SORBS2: variants seen among roughly 807,000 people sequenced by gnomAD.
SORBS2 encodes sorbin and SH3 domain-containing protein 2.
A neutral mutation model predicts 97.7 loss-of-function variants in SORBS2; 46 were observed. The observed-to-expected ratio is 0.47, with a 90% CI of 0.37 to 0.60. The LOEUF (loss-of-function observed/expected upper bound fraction) is 0.60. SORBS2 is among the 20% of genes least tolerant of loss of function. SORBS2 has a pLI of 0.00. For missense variants in SORBS2, 1,316 were observed against 1,282.3 expected (o/e 1.03, Z -0.40); for synonymous variants, 476 against 473.4 (o/e 1.01, Z -0.07).
intron 2 of SORBS2, among the ~76,000 whole-genome samples, chr4:185,714,032 C>G (rs970625591): frequency 6.6e-6 from 1 of 152,206 alleles, no homozygotes; most frequent in Non-Finnish European, 1.5e-5. Context: ...AGCTACCCAC[C>G]TATCCTTAAG....
intron 4 of SORBS2, chr4:185,635,392 T>C: frequency 6.2e-7 from 1 of 1,613,822 alleles, no homozygotes; most frequent in Non-Finnish European, 8.5e-7. Context: ...TTGAACATAG[T>C]CCAGAGGCTT....
intron 1 of SORBS2, among the ~76,000 whole-genome samples, chr4:185,949,254 T>C (rs979010815): frequency 6.6e-6 from 1 of 152,202 alleles, no homozygotes; most frequent in African/African-American, 2.4e-5. Context: ...GAGGCTGCTA[T>C]GGTAGGCAGG....
intron 1 of SORBS2, among the ~76,000 whole-genome samples, chr4:185,926,733 C>A (rs570700592): frequency 1.3e-5 from 2 of 151,958 alleles, no homozygotes; most frequent in African/African-American, 2.4e-5. Flanking sequence ...AGGAAACATG[C>A]GAGGTTAATT....
In SORBS2 at chr4:185,616,515, T is replaced by A. The variant is rs568976352; in HGVS notation, c.2352-1356A>T. On this transcript the variant is annotated intron_variant, in intron 9 of 14. Transcript: ENST00000418609. ...ACAACAGTTTCATTTGTACTAGGTA[T>A]GTTTTGTTTCTGGAAATGAGACTAG... is the stretch of plus-strand genomic sequence containing the variant. 3.3e-5 allele frequency among the ~76,000 whole-genome samples: 5 copies of A among 152,332 alleles called. No individual in the cohort carries two copies. The South Asian group carries it at 1.0e-3, about 32-fold the overall frequency.
intron 2 of SORBS2, chr4:185,774,616 C>T (rs1206710679): frequency 6.6e-6 from 1 of 152,120 alleles, no homozygotes; most frequent in Non-Finnish European, 1.5e-5. Flanking sequence ...CAGATGTACC[C>T]AGCAAAAGAC....
At chr4:185,634,228 T>G (rs1449675794) in intron 4 of SORBS2, among the ~76,000 whole-genome samples, 2 of 152,176 alleles carry the variant, frequency 1.3e-5, no homozygotes, top group African/African-American at 4.8e-5. Flanking sequence ...CGCTAGAAAT[T>G]TGCATATTTT....
In SORBS2 at chr4:185,910,958, T is replaced by A. The variant is rs575951453; in HGVS notation, c.-338+45238A>T. Among the ~76,000 whole-genome samples the A allele has an allele frequency of 3.0e-3, 448 of 149,892 alleles. 12 individuals are homozygous for A. The East Asian group carries it at 0.057, about 19-fold the overall frequency. Reference sequence around the variant, plus strand: ...TTATATACAATGCGGTGTTTGATTTTTTAAAAAAAAAAAACTTCCCTTGGA... The same window carrying A: ...TTATATACAATGCGGTGTTTGATTTATTAAAAAAAAAAAACTTCCCTTGGA... On this transcript the variant is annotated intron_variant, in intron 1 of 20. Transcript: ENST00000284776.
At chr4:185,609,433 A>G (rs2096495201) in intron 12 of SORBS2, among the ~76,000 whole-genome samples, 1 of 152,176 alleles carries the variant, frequency 6.6e-6, no homozygotes, top group South Asian at 2.1e-4. Flanking sequence ...TTGCTATCTG[A>G]TGCTGCGACT....
rs1178301605 is a variant in SORBS2, at chr4:185,866,287, C to G, written c.-338+89909G>C. ...ACCAAGCGCAGTGTTTACCAGGAAG[C>G]TGAAATGGAGAACCTGTCCCAAATC... On this transcript the variant is annotated intron_variant, in intron 1 of 20. Coordinates refer to the SORBS2 transcript ENST00000284776. Among the ~76,000 whole-genome samples the G allele has an allele frequency of 2.6e-5, 4 of 152,304 alleles. No individual in the cohort carries two copies. The South Asian group carries it at 8.3e-4, about 32-fold the overall frequency.
intron 1 of SORBS2, among the ~76,000 whole-genome samples, chr4:185,857,525 A>C (rs775544949): frequency 6.6e-6 from 1 of 152,218 alleles, no homozygotes; most frequent in Non-Finnish European, 1.5e-5. Flanking sequence ...ACCCTGAAAA[A>C]GAACAGAATA....
At chr4:185,693,289 G>A (rs571117959) in intron 2 of SORBS2, among the ~76,000 whole-genome samples, 5 of 152,170 alleles carry the variant, frequency 3.3e-5, no homozygotes, top group East Asian at 3.9e-4. Flanking sequence ...AAAATGTGGC[G>A]TATTTCTAAA....
chr4:185,629,015 C>A (rs566645259), intron 5 of SORBS2, among the ~76,000 whole-genome samples: 1 of 152,352 alleles, frequency 6.6e-6, no homozygotes, highest in Non-Finnish European at 1.5e-5. Flanking sequence ...GCAACCCCAG[C>A]TCCTATGGAG....
At chr4:185,931,203 G>A (rs1044570176) in intron 1 of SORBS2, among the ~76,000 whole-genome samples, 2 of 152,106 alleles carry the variant, frequency 1.3e-5, no homozygotes, top group African/African-American at 4.8e-5. Context: ...AGGGTATGGG[G>A]GAAAATGAGA....
chr4:185,599,917 C>T (rs2096216448), intron 12 of SORBS2, among the ~76,000 whole-genome samples: 1 of 152,286 alleles, frequency 6.6e-6, no homozygotes, highest in East Asian at 1.9e-4. Context: ...GCCAGGATGC[C>T]TGCCACAAAG....
At chr4:185,657,636 ACAGGGAAT>A, upstream of SORBS2, 1 of 1,553,970 alleles carries the variant, frequency 6.4e-7, no homozygotes, top group Non-Finnish European at 8.8e-7. Context: ...TATTCGTTGC[ACAGGGAAT>A]CATAAATTCA....
At chr4:185,906,217 G>C (rs2099250741) in intron 1 of SORBS2, among the ~76,000 whole-genome samples, 2 of 152,154 alleles carry the variant, frequency 1.3e-5, no homozygotes, top group African/African-American at 4.8e-5. Flanking sequence ...ATTTTTAGTA[G>C]AGACAGGGTT....
intron 4 of SORBS2, among the ~76,000 whole-genome samples, chr4:185,669,328 G>A (rs79423152): frequency 6.6e-6 from 1 of 152,186 alleles, no homozygotes; most frequent in African/African-American, 2.4e-5. Flanking sequence ...CAAGGCGGGC[G>A]TCATTGACCC....
At chr4:185,663,061 C>A (rs903852156) in intron 4 of SORBS2, among the ~76,000 whole-genome samples, 1 of 152,264 alleles carries the variant, frequency 6.6e-6, no homozygotes, top group Admixed American at 6.5e-5. Flanking sequence ...GGAACTGAAT[C>A]GGCTTAGTTC....
At chr4:185,689,166 C>T (rs1440091355) in intron 2 of SORBS2, among the ~76,000 whole-genome samples, 3 of 152,152 alleles carry the variant, frequency 2.0e-5, no homozygotes, top group Non-Finnish European at 4.4e-5. Context: ...ATCATGTATG[C>T]ATATCCCTGT....
Sources: gnomAD v4.1 joint callset for allele counts (sites outside exome capture counted in the v4.1 genomes callset) on GRCh38, gnomAD v4.1.1 for gene constraint, MANE v1.5 for transcripts, NCBI Gene and HGNC (gene_info 2026-07-23, HGNC 2026-07-21) for gene names.